Variants in ST6GALNAC2 observed in about 807,000 individuals in gnomAD.
The protein encoded by ST6GALNAC2 is ST6 N-acetylgalactosaminide alpha-2,6-sialyltransferase 2.
In ST6GALNAC2, 42 loss-of-function variants were observed where a neutral mutation model predicts 38.7. The ratio of observed to expected loss-of-function variants is 1.09; its 90% CI spans 0.85 to 1.40. The LOEUF (loss-of-function observed/expected upper bound fraction) is 1.40, where lower values mean the gene tolerates loss of function less well. ST6GALNAC2 is among the 40% of genes most tolerant of loss of function. The pLI, the probability that ST6GALNAC2 is intolerant of heterozygous loss-of-function variation, is 0.00. For synonymous variants in ST6GALNAC2, 233 were observed against 209.0 expected (o/e 1.11, Z -0.99); for missense variants, 506 against 481.7 (o/e 1.05, Z -0.47).
chr17:76,576,641 A>G (rs1048320696), intron 2 of ST6GALNAC2, among the ~76,000 whole-genome samples: 5 of 151,928 alleles, frequency 3.3e-5, no homozygotes, highest in Admixed American at 1.3e-4. Context: ...TGTGGTTTCT[A>G]TGTTAACCTA....
intron 7 of ST6GALNAC2, 63 bp from the exon 8 acceptor site, chr17:76,567,615 A>G (rs1414295252): frequency 9.0e-7 from 1 of 1,112,362 alleles, no homozygotes; most frequent in Non-Finnish European, 1.4e-6. Flanking sequence ...CTTCACAACT[A>G]CACATTCAAA....
At chr17:76,579,185 C>T (rs1040508415) in intron 1 of ST6GALNAC2, among the ~76,000 whole-genome samples, 4 of 152,246 alleles carry the variant, frequency 2.6e-5, no homozygotes, top group Non-Finnish European at 1.5e-5. Flanking sequence ...TTCCAAAGTG[C>T]TGGGATTACA....
intron 7 of ST6GALNAC2, 83 bp from the exon 8 acceptor site, chr17:76,567,635 A>G (rs1266649807): frequency 6.8e-6 from 6 of 878,218 alleles, no homozygotes; most frequent in Admixed American, 2.0e-5. Context: ...ATAGGTGGGA[A>G]AACTTCAAAA....
chr17:76,566,545 G>A (rs932415991), intron 8 of ST6GALNAC2, among the ~76,000 whole-genome samples: 2 of 152,096 alleles, frequency 1.3e-5, no homozygotes, highest in African/African-American at 4.8e-5. Flanking sequence ...GGGGACTGCA[G>A]TCAAGACACT....
intron 8 of ST6GALNAC2, 77 bp downstream of exon 8, chr17:76,567,376 G>A (rs1255904368): frequency 9.6e-7 from 1 of 1,046,592 alleles, no homozygotes; most frequent in East Asian, 2.4e-5. Flanking sequence ...CCGAGGTAAG[G>A]GATATCAGGG....
chr17:76,574,941 G>A (rs1044952652), intron 2 of ST6GALNAC2, among the ~76,000 whole-genome samples: 7 of 152,110 alleles, frequency 4.6e-5, no homozygotes, highest in African/African-American at 1.7e-4. Flanking sequence ...CTCCCAAAGT[G>A]CTGGGATTAC....
chr17:76,580,153 G>A (rs1178637057), intron 1 of ST6GALNAC2, among the ~76,000 whole-genome samples: 3 of 152,220 alleles, frequency 2.0e-5, no homozygotes. Flanking sequence ...AGGCACGGTG[G>A]CTCATGCCTG....
At position 76,566,099 on chromosome 17, in the gene ST6GALNAC2, T is replaced by G; in HGVS notation, c.*5A>C. 1 of 1,612,870 alleles carries G rather than the reference T, an allele frequency of 6.2e-7. No homozygotes were observed. The highest frequency in any genetic ancestry group is 8.5e-7 in the Non-Finnish European group (1 of 1,179,424). ...TGAAGAAGCAAAGGGCTCAGTGCAT[T>G]GGGGTCAGCGCTGGTACAGCTGAAG... On this transcript the variant is annotated 3_prime_UTR_variant, in exon 9 of 9. Transcript: ENST00000225276.
intron 5 of ST6GALNAC2, 80 bp downstream of exon 5, chr17:76,572,557 C>A: frequency 6.5e-7 from 1 of 1,537,958 alleles, no homozygotes; most frequent in Non-Finnish European, 8.9e-7. Context: ...GGTGTGTGAG[C>A]CCTGTGGCCC....
At chr17:76,570,697 G>A (rs1462547021) in intron 5 of ST6GALNAC2, 29 bp from the exon 6 acceptor site, 1 of 1,556,256 alleles carries the variant, frequency 6.4e-7, no homozygotes, top group Middle Eastern at 1.7e-4. Flanking sequence ...TGAGCCCAGA[G>A]GGGAACCAGG....
intron 1 of ST6GALNAC2, 104 bp from the exon 2 acceptor site, chr17:76,578,920 G>C: frequency 2.1e-6 from 2 of 957,040 alleles, no homozygotes; most frequent in Non-Finnish European, 3.1e-6. Context: ...GACAAAGTCT[G>C]TCTGTGCCCA....
rs1370585454 is a variant in ST6GALNAC2 at position 76,585,672 on chromosome 17, G to T, written c.125+12C>A. The T allele has an allele frequency of 1.1e-5, 17 of 1,520,366 alleles. No individual in the cohort carries two copies. Among genetic ancestry groups the T allele is most frequent in the African/African-American group, 1.4e-5 (1 of 70,156 alleles). 94.2% of individuals were successfully genotyped at this position (1,520,366 alleles called of 1,614,324 possible). ...CCCTGCGCCCTCCCGCTCTGCGCTC[G>T]GCAGCCCCTACCTGGCTCCGGCCGC... On this transcript the variant is annotated intron_variant, in intron 1 of 8. Coordinates refer to ENST00000225276, the MANE Select transcript of ST6GALNAC2 (RefSeq NM_006456.3).
At position 76,578,822 on chromosome 17, in the gene ST6GALNAC2, G is replaced by T; in HGVS notation, c.126-6C>A. The T allele has an allele frequency of 1.2e-6, 2 of 1,612,594 alleles. No individual in the cohort carries two copies. Among genetic ancestry groups the T allele is most frequent in the Non-Finnish European group, 1.7e-6 (2 of 1,179,368 alleles). On this transcript the variant is annotated splice_polypyrimidine_tract_variant and splice_region_variant and intron_variant, in intron 1 of 8. Transcript: ENST00000225276. ...CTTCAAATGATGTGGTGTCCCTGGG[G>T]GAAAAAGCAGAAAAAAGCAGGGGTC...
In ST6GALNAC2 at chr17:76,573,227, A is replaced by T. The variant is rs766871902; in HGVS notation, c.498T>A (p.Gly166=). 2 of 1,611,968 alleles carry T rather than the reference A, an allele frequency of 1.2e-6. No homozygotes were observed. The highest frequency in any genetic ancestry group is 3.3e-5 in the Admixed American group (2 of 59,880). ...NGGILNGSRQ[G]PNIDAHDYVF... is the part of the protein sequence containing the mutation. Reference sequence around the variant, plus strand: ...CATAGTCATGGGCATCGATGTTGGGACCCTGGCGGGACCCATTCAGAATGC... The same window carrying T: ...CATAGTCATGGGCATCGATGTTGGGTCCCTGGCGGGACCCATTCAGAATGC... The change falls in exon 4 of 9, where the codon GGT becomes GGA. Residue 166 remains glycine, a synonymous_variant. Coordinates refer to ENST00000225276, the MANE Select transcript of ST6GALNAC2 (RefSeq NM_006456.3). The surrounding 1 kb of genome is among the most constrained non-coding windows in gnomAD (Gnocchi z 5.1).
intron 5 of ST6GALNAC2, chr17:76,570,955 T>TA: frequency 2.8e-6 from 1 of 363,560 alleles, no homozygotes; most frequent in South Asian, 3.6e-5. Context: ...GTGTGTGGCT[T>TA]AGAGACTAGG....
chr17:76,571,192 C>G (rs2075349604), intron 5 of ST6GALNAC2: 1 of 154,360 alleles, frequency 6.5e-6, no homozygotes, highest in Non-Finnish European at 1.4e-5. Context: ...CCCACAAATT[C>G]CTGACCCATT....
intron 1 of ST6GALNAC2, among the ~76,000 whole-genome samples, chr17:76,583,565 G>A (rs12600597): frequency 0.75 from 112,067 of 149,108 alleles, 42,447 homozygotes; most frequent in East Asian, 0.84. Flanking sequence ...ATGGAGGCTG[G>A]GAAGTCCAAG....
intron 2 of ST6GALNAC2, among the ~76,000 whole-genome samples, chr17:76,578,286 GA>G: frequency 6.6e-6 from 1 of 152,284 alleles, no homozygotes; most frequent in African/African-American, 2.4e-5. Flanking sequence ...TTCCGTGAGA[GA>G]ACGCAGGTAA....
intron 7 of ST6GALNAC2, 148 bp from the exon 8 acceptor site, chr17:76,567,700 C>A: frequency 5.1e-5 from 28 of 544,538 alleles, no homozygotes; most frequent in East Asian, 1.3e-4. Flanking sequence ...GGACTAAATA[C>A]AAAGATCTTT....
Sources: allele counts gnomAD v4.1 joint callset (sites outside exome capture counted in the v4.1 genomes callset), GRCh38; gene constraint gnomAD v4.1.1; non-coding constraint Gnocchi (gnomAD v3.1); transcripts MANE v1.5; gene names NCBI Gene and HGNC (gene_info 2026-07-23, HGNC 2026-07-21).